CRACD: variants seen among roughly 807,000 people sequenced by gnomAD.
CRACD encodes the protein capping protein-inhibiting regulator of actin dynamics.
A neutral mutation model predicts 106.8 loss-of-function variants in CRACD; 56 were observed. The observed-to-expected ratio is 0.52, with a 90% CI of 0.42 to 0.66. The LOEUF is 0.66. CRACD is among the 30% of genes least tolerant of loss of function. CRACD has a pLI of 0.00. For synonymous variants in CRACD, 754 were observed against 670.8 expected (o/e 1.12, Z -1.92); for missense variants, 1,730 against 1,623.2 (o/e 1.07, Z -1.13).
At chr4:56,146,071 T>A (rs1188094184) in intron 1 of CRACD, among the ~76,000 whole-genome samples, 1 of 152,214 alleles carries the variant, frequency 6.6e-6, no homozygotes, top group Non-Finnish European at 1.5e-5. Flanking sequence ...ACCGTTGACT[T>A]CATCCTATAC....
intron 1 of CRACD, among the ~76,000 whole-genome samples, chr4:56,124,640 G>A (rs550110282): frequency 5.9e-5 from 9 of 152,230 alleles, no homozygotes; most frequent in African/African-American, 2.2e-4. Context: ...GTCCAAATAA[G>A]TTTCTTACAT....
chr4:56,115,643 T>C lies in CRACD; in HGVS notation c.-335-63641T>C, dbSNP rs1387852576. On this transcript the variant is annotated intron_variant, in intron 1 of 10. Transcript: ENST00000682029. ...TCAAAGAGGTTACAGTAATGAAGCA[T>C]ATGCCAGAAACCCAACTTGGGTCAT... 2.6e-5 allele frequency among the ~76,000 whole-genome samples: 4 copies of C among 152,182 alleles called. No homozygotes were observed. In the East Asian group the frequency reaches 5.8e-4, roughly 22 times the overall value.
At chr4:56,139,004 T>C (rs913961481) in intron 1 of CRACD, among the ~76,000 whole-genome samples, 1 of 152,190 alleles carries the variant, frequency 6.6e-6, no homozygotes, top group Non-Finnish European at 1.5e-5. Flanking sequence ...ATTCTTCTTA[T>C]GAAAGGCCTA....
At chr4:56,072,737 T>C (rs545393625) in intron 1 of CRACD, among the ~76,000 whole-genome samples, 130 of 152,302 alleles carry the variant, frequency 8.5e-4, no homozygotes, top group African/African-American at 3.1e-3. Flanking sequence ...GTATTTCTCC[T>C]AATGCTCTTC....
At chr4:56,293,790 C>T (rs115951595) in intron 3 of CRACD, among the ~76,000 whole-genome samples, 101 of 152,324 alleles carry the variant, frequency 6.6e-4, no homozygotes, top group African/African-American at 2.2e-3. Context: ...AAATCCATCC[C>T]CATGATCCAG....
chr4:56,275,732 A>G (rs1433780212), intron 3 of CRACD, among the ~76,000 whole-genome samples: 1 of 152,232 alleles, frequency 6.6e-6, no homozygotes, highest in Non-Finnish European at 1.5e-5. Flanking sequence ...TTTATTTGCT[A>G]TCTCCAAAAT....
intron 2 of CRACD, among the ~76,000 whole-genome samples, chr4:56,258,273 T>A (rs1452266906): frequency 6.6e-6 from 1 of 152,146 alleles, no homozygotes; most frequent in African/African-American, 2.4e-5. Context: ...TGAATCCACC[T>A]ATGACCTGAA....
intron 1 of CRACD, among the ~76,000 whole-genome samples, chr4:56,107,153 G>GTT (rs113945305): frequency 2.6e-5 from 4 of 151,886 alleles, no homozygotes; most frequent in South Asian, 2.1e-4. Flanking sequence ...AAAAACATTG[G>GTT]GTTTTTTTTC....
intron 1 of CRACD, among the ~76,000 whole-genome samples, chr4:56,156,468 A>G (rs1735767627): frequency 6.6e-6 from 1 of 152,244 alleles, no homozygotes; most frequent in Non-Finnish European, 1.5e-5. Context: ...TTCTCTGAAT[A>G]ATGAGAATCA....
At chr4:56,143,949 G>A (rs538822246) in intron 1 of CRACD, among the ~76,000 whole-genome samples, 1 of 152,242 alleles carries the variant, frequency 6.6e-6, no homozygotes, top group South Asian at 2.1e-4. Flanking sequence ...GCTACAATGA[G>A]GGAAATATAT....
intron 2 of CRACD, among the ~76,000 whole-genome samples, chr4:56,192,687 A>G (rs1227162314): frequency 6.6e-6 from 1 of 152,214 alleles, no homozygotes; most frequent in African/African-American, 2.4e-5. Flanking sequence ...GGAAAGAAAA[A>G]AAACCATAAA....
At chr4:56,189,994 A>G (rs1326286151) in intron 2 of CRACD, among the ~76,000 whole-genome samples, 1 of 94,160 alleles carries the variant, frequency 1.1e-5, no homozygotes, top group African/African-American at 4.3e-5. Flanking sequence ...AACAGTCCCC[A>G]GAGTGTGATG....
chr4:56,074,013 A>G (rs562513203), intron 1 of CRACD, among the ~76,000 whole-genome samples: 18 of 152,266 alleles, frequency 1.2e-4, no homozygotes, highest in Non-Finnish European at 2.2e-4. Flanking sequence ...AGGTGGTTGT[A>G]GATGTGTGTT....
At chr4:56,208,791 A>G (rs1738254398) in intron 2 of CRACD, among the ~76,000 whole-genome samples, 2 of 152,238 alleles carry the variant, frequency 1.3e-5, no homozygotes, top group Non-Finnish European at 2.9e-5. Flanking sequence ...AAACAAATAT[A>G]AAAGGTTTAA....
At chr4:56,124,907 T>G (rs2109858347) in intron 1 of CRACD, among the ~76,000 whole-genome samples, 1 of 152,284 alleles carries the variant, frequency 6.6e-6, no homozygotes, top group Non-Finnish European at 1.5e-5. Context: ...AAAAACCAGC[T>G]TGAGAATCCC....
intron 1 of CRACD, among the ~76,000 whole-genome samples, chr4:56,148,758 A>G (rs535854950): frequency 6.6e-6 from 1 of 151,006 alleles, no homozygotes; most frequent in East Asian, 1.9e-4. Context: ...TGAATTGATC[A>G]GATTCTGAAG....
intron 1 of CRACD, among the ~76,000 whole-genome samples, chr4:56,064,138 A>C (rs1732379254): frequency 6.6e-6 from 1 of 152,184 alleles, no homozygotes; most frequent in East Asian, 1.9e-4. Flanking sequence ...GACCATTTGT[A>C]TAGCTTCTTT....
At position 56,313,313 on chromosome 4, in the gene CRACD, C is replaced by T; in HGVS notation, c.471C>T (p.Ala157=). The change falls in exon 7 of 11, where the codon GCC becomes GCT. Residue 157 remains alanine, a synonymous_variant. Coordinates refer to ENST00000682029, the MANE Select transcript of CRACD (RefSeq NM_001393381.1). ...TCGCTCGCCTGGACAACAGTGCCGC[C>T]AAGCACAAGCTGGCTGTTAAGCCAA... ...LAIARLDNSA[A]KHKLAVKPKK... 1 of 1,614,236 alleles carries T rather than the reference C, an allele frequency of 6.2e-7. No individual in the cohort carries two copies. The highest frequency in any genetic ancestry group is 8.5e-7 in the Non-Finnish European group (1 of 1,180,046).
intron 2 of CRACD, among the ~76,000 whole-genome samples, chr4:56,251,078 T>G (rs1741026731): frequency 1.3e-5 from 2 of 152,216 alleles, no homozygotes; most frequent in African/African-American, 2.4e-5. Context: ...CAGAATAGTC[T>G]TCTTCCATCT....
Sources: allele counts gnomAD v4.1 joint callset (sites outside exome capture counted in the v4.1 genomes callset), GRCh38; gene constraint gnomAD v4.1.1; transcripts MANE v1.5; gene names NCBI Gene and HGNC (gene_info 2026-07-23, HGNC 2026-07-21).